The following TCF4 variants were observed in gnomAD, a reference collection of about 807,000 sequenced individuals.
The protein encoded by TCF4 is transcription factor 4.
Under a neutral mutation model 82.1 loss-of-function variants are expected in TCF4, and 3 were observed. The observed-to-expected ratio is 0.04, with a 90% CI of 0.02 to 0.09. The LOEUF (loss-of-function observed/expected upper bound fraction) is 0.09, where lower values mean the gene tolerates loss of function less well. Among genes scored for constraint, TCF4 ranks in the 10% least tolerant of loss-of-function variants. The pLI is 1.00. For synonymous variants in TCF4, 276 were observed against 309.6 expected (o/e 0.89, Z 1.14); for missense variants, 518 against 852.7 (o/e 0.61, Z 4.89).
intron 8 of TCF4, among the ~76,000 whole-genome samples, chr18:55,339,752 TA>T (rs1329962561): frequency 2.0e-5 from 3 of 151,888 alleles, no homozygotes; most frequent in East Asian, 1.9e-4. Flanking sequence ...CCTTTATATA[TA>T]AAAAAAAGTG....
intron 8 of TCF4, among the ~76,000 whole-genome samples, chr18:55,301,569 G>A (rs2068293052): frequency 6.6e-6 from 1 of 151,898 alleles, no homozygotes; most frequent in South Asian, 2.1e-4. Flanking sequence ...ACACGCAACG[G>A]CTCTAATTTT....
At chr18:55,608,656 G>C (rs1167890906) in intron 2 of TCF4, among the ~76,000 whole-genome samples, 1 of 152,114 alleles carries the variant, frequency 6.6e-6, no homozygotes, top group Non-Finnish European at 1.5e-5. Context: ...GAATAATGGT[G>C]ACTAAGACAG....
intron 2 of TCF4, among the ~76,000 whole-genome samples, chr18:55,599,590 G>A (rs1483257591): frequency 1.3e-5 from 2 of 152,074 alleles, no homozygotes; most frequent in East Asian, 1.9e-4. Flanking sequence ...GTGTGGTGGT[G>A]GGCACCTGTA....
chr18:55,566,199 C>A (rs1033348965), intron 3 of TCF4, among the ~76,000 whole-genome samples: 1 of 151,624 alleles, frequency 6.6e-6, no homozygotes, highest in East Asian at 1.9e-4. Context: ...GGCGACAGAG[C>A]GAGATTCTGC....
chr18:55,263,104 G>A (rs527649589), intron 11 of TCF4, among the ~76,000 whole-genome samples: 3 of 152,128 alleles, frequency 2.0e-5, no homozygotes, highest in South Asian at 2.1e-4. Flanking sequence ...GTGCCCAGCC[G>A]ATAATGTTTT....
At chr18:55,597,490 G>A (rs1314405781) in intron 2 of TCF4, among the ~76,000 whole-genome samples, 1 of 151,882 alleles carries the variant, frequency 6.6e-6, no homozygotes, top group African/African-American at 2.4e-5. Flanking sequence ...CATGGTGAAA[G>A]CCTGTCTTTA....
At chr18:55,341,196 TTAAG>T (rs2079876830) in intron 8 of TCF4, among the ~76,000 whole-genome samples, 1 of 152,180 alleles carries the variant, frequency 6.6e-6, no homozygotes, top group Admixed American at 6.5e-5. Flanking sequence ...AGCACTATGG[TTAAG>T]AACACAGAAA....
intron 3 of TCF4, among the ~76,000 whole-genome samples, chr18:55,564,218 T>C (rs1437595013): frequency 6.6e-6 from 1 of 152,138 alleles, no homozygotes; most frequent in Non-Finnish European, 1.5e-5. Flanking sequence ...AGAATCCCAA[T>C]GTAGCCAAAC....
intron 8 of TCF4, among the ~76,000 whole-genome samples, chr18:55,301,157 C>T (rs575302405): frequency 6.6e-5 from 10 of 152,260 alleles, no homozygotes; most frequent in South Asian, 6.2e-4. Flanking sequence ...ACCCCAATCC[C>T]GTATCTGCTG....
intron 8 of TCF4, among the ~76,000 whole-genome samples, chr18:55,336,303 AT>A (rs144405925): frequency 1.8e-4 from 27 of 151,202 alleles, no homozygotes; most frequent in African/African-American, 3.6e-4. Context: ...CTGTGTATAC[AT>A]TTTTTTTTAC....
chr18:55,412,918 T>C lies in TCF4; in HGVS notation c.305-9400A>G, dbSNP rs747102616. On this transcript the variant is annotated intron_variant, in intron 5 of 19. Transcript: ENST00000354452. Reference sequence around the variant, plus strand: ...CAACTCTAAATAAGCCACAGTGAGATGGAAAAGAGAGGAAAAGGTTTGTTT... The same window carrying C: ...CAACTCTAAATAAGCCACAGTGAGACGGAAAAGAGAGGAAAAGGTTTGTTT... 3.9e-5 allele frequency among the ~76,000 whole-genome samples: 6 copies of C among 152,050 alleles called. No homozygotes were observed. In the South Asian group the frequency reaches 6.2e-4, roughly 16 times the overall value.
chr18:55,436,283 A>G (rs2095327684), intron 5 of TCF4, among the ~76,000 whole-genome samples: 1 of 152,218 alleles, frequency 6.6e-6, no homozygotes, highest in South Asian at 2.1e-4. Context: ...CAGAGAAATA[A>G]TTTTATATGA....
chr18:55,356,787 C>T (rs1751601482), intron 6 of TCF4, among the ~76,000 whole-genome samples: 2 of 152,036 alleles, frequency 1.3e-5, no homozygotes, highest in African/African-American at 2.4e-5. Context: ...TTCTCCATGA[C>T]ATCACAAAAA....
At chr18:55,237,804 C>T (rs2049993123) in intron 15 of TCF4, among the ~76,000 whole-genome samples, 1 of 152,188 alleles carries the variant, frequency 6.6e-6, no homozygotes, top group African/African-American at 2.4e-5. Context: ...CTTGGCTTTG[C>T]TTGTTTCCTT....
At chr18:55,306,093 C>A (rs981688856) in intron 8 of TCF4, among the ~76,000 whole-genome samples, 6 of 152,102 alleles carry the variant, frequency 3.9e-5, no homozygotes, top group African/African-American at 1.4e-4. Context: ...TTTCACCTTC[C>A]ATGTAACAAC....
chr18:55,310,458 GT>G (rs1602212751), intron 8 of TCF4, among the ~76,000 whole-genome samples: 2 of 152,218 alleles, frequency 1.3e-5, no homozygotes, highest in East Asian at 3.8e-4. Context: ...CACCTAAGGA[GT>G]GAGGTCTAGA....
chr18:55,450,774 A>ATC (rs2095608081), intron 5 of TCF4, among the ~76,000 whole-genome samples: 1 of 152,226 alleles, frequency 6.6e-6, no homozygotes, highest in African/African-American at 2.4e-5. Flanking sequence ...TTGTAAAACT[A>ATC]TCTCCTTGAT....
At chr18:55,293,938 T>A (rs1455426177) in intron 8 of TCF4, among the ~76,000 whole-genome samples, 5 of 96,422 alleles carry the variant, frequency 5.2e-5, no homozygotes, top group African/African-American at 3.6e-4. Flanking sequence ...GGACTTTTTT[T>A]TTTTTTTTTT....
At chr18:55,487,702 G>A (rs551410063) in intron 3 of TCF4, among the ~76,000 whole-genome samples, 5 of 150,904 alleles carry the variant, frequency 3.3e-5, no homozygotes, top group Non-Finnish European at 7.4e-5. Flanking sequence ...TGAGGGGATC[G>A]ATAAAAAAAA....
Sources: allele counts gnomAD v4.1 joint callset (sites outside exome capture counted in the v4.1 genomes callset), GRCh38; gene constraint gnomAD v4.1.1; transcripts MANE v1.5; gene names NCBI Gene and HGNC (gene_info 2026-07-23, HGNC 2026-07-21).